The following KIAA0232 variants were observed in gnomAD, a reference collection of about 807,000 sequenced individuals.
The protein encoded by KIAA0232 is KIAA0232, also known as uncharacterized protein KIAA0232.
In KIAA0232, 27 loss-of-function variants were observed where a neutral mutation model predicts 122.0. That is an observed-to-expected ratio of 0.22 (90% CI 0.16 to 0.31). KIAA0232 has a LOEUF of 0.31. Among genes scored for constraint, KIAA0232 ranks in the 10% least tolerant of loss-of-function variants. The pLI is 1.00. For synonymous variants in KIAA0232, 613 were observed against 587.6 expected (o/e 1.04, Z -0.63); for missense variants, 1,551 against 1,634.2 (o/e 0.95, Z 0.88).
intron 1 of KIAA0232, among the ~76,000 whole-genome samples, chr4:6,785,854 A>T (rs999861355): frequency 6.6e-6 from 1 of 152,128 alleles, no homozygotes; most frequent in Admixed American, 6.6e-5. Flanking sequence ...GCTAAACAAG[A>T]CTGCTCTTGG....
At chr4:6,851,842 A>T (rs1350871419) in intron 4 of KIAA0232, among the ~76,000 whole-genome samples, 1 of 152,018 alleles carries the variant, frequency 6.6e-6, no homozygotes, top group African/African-American at 2.4e-5. Flanking sequence ...TTGTAAAATG[A>T]TGAAATGGAG....
intron 1 of KIAA0232, among the ~76,000 whole-genome samples, chr4:6,785,562 G>GT (rs1442694309): frequency 6.6e-6 from 1 of 152,208 alleles, no homozygotes; most frequent in Non-Finnish European, 1.5e-5. Context: ...CTCGCCTAGT[G>GT]TAAGTGTTAA....
chr4:6,828,774 T>G (rs531999057), intron 3 of KIAA0232, among the ~76,000 whole-genome samples: 1 of 152,306 alleles, frequency 6.6e-6, no homozygotes, highest in Non-Finnish European at 1.5e-5. Flanking sequence ...TTTCTTCATC[T>G]TCTACTTTTG....
At chr4:6,783,501 G>A (rs1716456032) in intron 1 of KIAA0232, among the ~76,000 whole-genome samples, 1 of 152,284 alleles carries the variant, frequency 6.6e-6, no homozygotes, top group African/African-American at 2.4e-5. Context: ...GGCGCCCGGC[G>A]TCCCCGGCAG....
chr4:6,822,998 A>T (rs1718494767), intron 2 of KIAA0232, among the ~76,000 whole-genome samples: 1 of 145,218 alleles, frequency 6.9e-6, no homozygotes, highest in African/African-American at 2.6e-5. Flanking sequence ...CTCATTGTTC[A>T]ATTCCCACCT....
chr4:6,791,905 C>G (rs1360017817), intron 1 of KIAA0232, among the ~76,000 whole-genome samples: 2 of 152,172 alleles, frequency 1.3e-5, no homozygotes, highest in Non-Finnish European at 2.9e-5. Flanking sequence ...GTGATTGAAT[C>G]ATGGGGACAG....
At chr4:6,811,984 G>A (rs948033933) in intron 2 of KIAA0232, among the ~76,000 whole-genome samples, 1 of 152,030 alleles carries the variant, frequency 6.6e-6, no homozygotes, top group Non-Finnish European at 1.5e-5. Flanking sequence ...ACATTGAAAT[G>A]TAATGAAATT....
chr4:6,817,419 G>C (rs1342213177), intron 2 of KIAA0232, among the ~76,000 whole-genome samples: 1 of 152,114 alleles, frequency 6.6e-6, no homozygotes, highest in Non-Finnish European at 1.5e-5. Flanking sequence ...GTTTCACCGT[G>C]TTAGCCAGGA....
At position 6,837,924 on chromosome 4, in the gene KIAA0232, G is replaced by A. The variant is rs542827007; in HGVS notation, c.232-4143G>A. Among the ~76,000 whole-genome samples the A allele has an allele frequency of 3.3e-5, 5 of 151,894 alleles. No homozygotes were observed. In the South Asian group the frequency reaches 6.2e-4, roughly 19 times the overall value. ...CCGTGCAAAGGGGAGAGGGGGAGGG[G>A]GAGGGAGAGGGAGAGGGAGAGGCAG... On this transcript the variant is annotated intron_variant, in intron 3 of 9. Transcript: ENST00000307659.
chr4:6,832,166 A>G (rs1346811705), intron 3 of KIAA0232, among the ~76,000 whole-genome samples: 1 of 152,154 alleles, frequency 6.6e-6, no homozygotes, highest in Non-Finnish European at 1.5e-5. Flanking sequence ...TGGTTTTGAT[A>G]TATATTTTGT....
At chr4:6,804,108 A>G (rs1717508419) in intron 1 of KIAA0232, among the ~76,000 whole-genome samples, 1 of 152,252 alleles carries the variant, frequency 6.6e-6, no homozygotes, top group Non-Finnish European at 1.5e-5. Flanking sequence ...GATAAACATC[A>G]CAGCTAGTAG....
Position 6,824,665 on chromosome 4 carries a change from A to G in KIAA0232, c.212A>G (p.Asp71Gly). Reference sequence around the variant, plus strand: ...AGTCTTCTGCTGCATGACAGCTATGACTACGACCTGCAGGAACAGGTATTT... The same window carrying G: ...AGTCTTCTGCTGCATGACAGCTATGGCTACGACCTGCAGGAACAGGTATTT... ...VLSLLLHDSY[D>G]YDLQEQENDI... Residue 71 changes from aspartate to glycine, a missense_variant, in exon 3 of 10, where the codon GAC (aspartate) becomes GGC (glycine). This residue lies in a region of KIAA0232 where 377 missense variants were observed against 381.7 expected (regional missense o/e 0.99). Transcript: ENST00000307659. 1 of 1,614,054 alleles carries G rather than the reference A, an allele frequency of 6.2e-7. No individual in the cohort carries two copies. The highest frequency in any genetic ancestry group is 8.5e-7 in the Non-Finnish European group (1 of 1,179,896).
rs750518938 is a variant in KIAA0232 at position 6,880,956 on chromosome 4, C to T, written c.4178C>T (p.Thr1393Ile). The change falls in exon 10 of 10, where the codon ACT becomes ATT. Residue 1393 changes from threonine to isoleucine, a missense_variant. Around this residue, in one of 5 missense-constraint regions of KIAA0232, gnomAD observed 1,108 missense variants for 1,154.8 expected, o/e 0.96. Transcript: ENST00000307659. ...GPSEEELFSR[T>I]HL ...AGTGAAGAGGAGCTCTTTTCTCGAA[C>T]TCATCTCTAAACCTGCAAAATAGTA... 2.1e-5 allele frequency: 32 copies of T among 1,551,604 alleles called. No homozygotes were observed. The East Asian group carries it at 7.4e-4, about 36-fold the overall frequency.
intron 3 of KIAA0232, among the ~76,000 whole-genome samples, chr4:6,834,177 C>T (rs1436422448): frequency 1.3e-5 from 2 of 152,192 alleles, no homozygotes; most frequent in African/African-American, 4.8e-5. Flanking sequence ...GAGCCTCGAA[C>T]TCTTGGGCTC....
chr4:6,858,852 G>T (rs1235306771), intron 6 of KIAA0232, among the ~76,000 whole-genome samples: 1 of 152,120 alleles, frequency 6.6e-6, no homozygotes, highest in Non-Finnish European at 1.5e-5. Flanking sequence ...GCTCATGTCA[G>T]TAATCCCAGC....
At chr4:6,788,537 T>A (rs1716737758) in intron 1 of KIAA0232, among the ~76,000 whole-genome samples, 1 of 152,240 alleles carries the variant, frequency 6.6e-6, no homozygotes, top group Admixed American at 6.5e-5. Context: ...CTTATCTATT[T>A]TTTCCTTATG....
chr4:6,786,125 T>A (rs1328194640), intron 1 of KIAA0232, among the ~76,000 whole-genome samples: 2 of 152,256 alleles, frequency 1.3e-5, no homozygotes, highest in African/African-American at 4.8e-5. Flanking sequence ...GTGTCTATCC[T>A]ATCATTTTGC....
chr4:6,801,297 C>A (rs1461334365), intron 1 of KIAA0232, among the ~76,000 whole-genome samples: 1 of 152,110 alleles, frequency 6.6e-6, no homozygotes, highest in Non-Finnish European at 1.5e-5. Context: ...TAGTGGCTAC[C>A]ATATTCATTG....
chr4:6,784,860 C>T (rs982327415), intron 1 of KIAA0232, among the ~76,000 whole-genome samples: 5 of 151,830 alleles, frequency 3.3e-5, no homozygotes, highest in African/African-American at 4.8e-5. Context: ...AGGTCTTTAA[C>T]ATGACGTTAA....
Sources: gnomAD v4.1 joint callset for allele counts (sites outside exome capture counted in the v4.1 genomes callset) on GRCh38, gnomAD v4.1.1 for gene constraint, gnomAD v4.1.1 regional missense constraint, MANE v1.5 for transcripts, NCBI Gene and HGNC (gene_info 2026-07-23, HGNC 2026-07-21) for gene names.